CCSER1: variants seen among roughly 807,000 people sequenced by gnomAD.
CCSER1 encodes the protein serine-rich coiled-coil domain-containing protein 1.
CCSER1 carries 41 observed loss-of-function variants against 82.0 expected under a neutral mutation model. The ratio of observed to expected loss-of-function variants is 0.50; its 90% CI spans 0.39 to 0.65. The LOEUF (loss-of-function observed/expected upper bound fraction) is 0.65, where lower values mean the gene tolerates loss of function less well. Among genes scored for constraint, CCSER1 ranks in the 30% least tolerant of loss-of-function variants. The pLI is 0.00. For synonymous variants in CCSER1, 414 were observed against 383.9 expected, an observed-to-expected ratio of 1.08 and a Z score of -0.92; for missense variants, 1,119 against 1,064.2, an observed-to-expected ratio of 1.05 and a Z score of -0.72.
intron 10 of CCSER1, among the ~76,000 whole-genome samples, chr4:91,597,866 C>G (rs891072309): frequency 1.3e-5 from 2 of 152,128 alleles, no homozygotes; most frequent in African/African-American, 4.8e-5. Flanking sequence ...TGGGTGCTAG[C>G]TTGTAATCTT....
At chr4:90,215,324 C>T (rs1041269566) in intron 1 of CCSER1, among the ~76,000 whole-genome samples, 5 of 152,164 alleles carry the variant, frequency 3.3e-5, no homozygotes, top group African/African-American at 1.2e-4. Flanking sequence ...GTGTCTTTCA[C>T]TTGAGTGAGC....
chr4:90,198,866 A>T (rs1358556614), intron 1 of CCSER1, among the ~76,000 whole-genome samples: 3 of 152,170 alleles, frequency 2.0e-5, no homozygotes, highest in Non-Finnish European at 4.4e-5. Flanking sequence ...AAATGTTTTG[A>T]AACTTTTTAG....
chr4:90,771,769 T>C (rs1314506307), intron 7 of CCSER1, among the ~76,000 whole-genome samples: 2 of 152,118 alleles, frequency 1.3e-5, no homozygotes, highest in East Asian at 3.8e-4. Context: ...CCTCAGTGGA[T>C]ACTACTTGTT....
chr4:91,059,542 T>C (rs985785117), intron 9 of CCSER1, among the ~76,000 whole-genome samples: 1 of 151,486 alleles, frequency 6.6e-6, no homozygotes, highest in African/African-American at 2.4e-5. Context: ...TCTTTGTTTT[T>C]AAATCAAACC....
chr4:90,734,244 G>A (rs1348334938), intron 7 of CCSER1, among the ~76,000 whole-genome samples: 3 of 151,764 alleles, frequency 2.0e-5, no homozygotes, highest in African/African-American at 2.4e-5. Flanking sequence ...TCCTGCCTCT[G>A]CCTCTCAAGT....
chr4:91,395,404 G>GT (rs1486546225), intron 10 of CCSER1, among the ~76,000 whole-genome samples: 2 of 152,036 alleles, frequency 1.3e-5, no homozygotes, highest in Non-Finnish European at 2.9e-5. Context: ...AAGAAGGAGT[G>GT]TAAGTTTAAC....
intron 4 of CCSER1, among the ~76,000 whole-genome samples, chr4:90,441,263 G>A (rs77808280): frequency 5.9e-5 from 9 of 152,066 alleles, no homozygotes; most frequent in East Asian, 1.9e-4. Context: ...TATTATTGTC[G>A]TTTTTAGTTC....
chr4:91,444,898 C>T (rs113672400), intron 10 of CCSER1, among the ~76,000 whole-genome samples: 1 of 152,310 alleles, frequency 6.6e-6, no homozygotes, highest in African/African-American at 2.4e-5. Context: ...AATTCAGTGG[C>T]CTTCCTCACA....
chr4:91,148,500 T>A (rs184287454), intron 10 of CCSER1, among the ~76,000 whole-genome samples: 138 of 152,200 alleles, frequency 9.1e-4, no homozygotes, highest in Non-Finnish European at 1.1e-3. Flanking sequence ...TTTTTATTAT[T>A]ATACTTTAAG....
intron 9 of CCSER1, among the ~76,000 whole-genome samples, chr4:91,040,680 A>T (rs1313748867): frequency 6.6e-6 from 1 of 152,196 alleles, no homozygotes; most frequent in Non-Finnish European, 1.5e-5. Context: ...AGAATAAAAT[A>T]ACCCAAGATT....
chr4:90,823,684 A>AGG (rs1760072715), intron 8 of CCSER1, among the ~76,000 whole-genome samples: 1 of 151,990 alleles, frequency 6.6e-6, no homozygotes, highest in Non-Finnish European at 1.5e-5. Context: ...TGGACATTTT[A>AGG]GTTTATAATT....
chr4:90,308,968 A>G lies in CCSER1; in HGVS notation c.684A>G (p.Pro228=), dbSNP rs1734829579. 3 of 1,613,860 alleles carry G rather than the reference A, an allele frequency of 1.9e-6. No individual in the cohort carries two copies. Among genetic ancestry groups the G allele is most frequent in the Non-Finnish European group, 2.5e-6 (3 of 1,179,856 alleles). The change falls in exon 2 of 11, where the codon CCA becomes CCG. Residue 228 remains proline, a synonymous_variant. Coordinates refer to ENST00000509176, the MANE Select transcript of CCSER1 (RefSeq NM_001145065.2). ...AACCTGTATTAGTAAGAGCTTCGCC[A>G]TCCTGTTCTGTGGATGTAACAGAAC... ...EREPVLVRAS[P]SCSVDVTERA...
chr4:90,379,635 G>A (rs989792215), intron 3 of CCSER1, among the ~76,000 whole-genome samples: 1 of 152,136 alleles, frequency 6.6e-6, no homozygotes, highest in Non-Finnish European at 1.5e-5. Flanking sequence ...TGATGATAGA[G>A]TTAAGGTGTT....
chr4:90,839,244 A>G (rs1762250772), intron 8 of CCSER1, among the ~76,000 whole-genome samples: 1 of 152,254 alleles, frequency 6.6e-6, no homozygotes, highest in African/African-American at 2.4e-5. Context: ...AAGGTAAGCA[A>G]TTAGTATCAT....
chr4:91,150,010 G>A (rs1051608681), intron 10 of CCSER1, among the ~76,000 whole-genome samples: 2 of 152,126 alleles, frequency 1.3e-5, no homozygotes, highest in Admixed American at 6.5e-5. Flanking sequence ...TTCCAATTCT[G>A]TGGAGAAAGT....
At chr4:90,166,956 ATAAT>A (rs1179072286) in intron 1 of CCSER1, among the ~76,000 whole-genome samples, 1 of 152,014 alleles carries the variant, frequency 6.6e-6, no homozygotes, top group Non-Finnish European at 1.5e-5. Context: ...AATTCTTGAG[ATAAT>A]TGCTTGTTGG....
intron 10 of CCSER1, among the ~76,000 whole-genome samples, chr4:91,524,509 C>A (rs190351244): frequency 4.0e-4 from 61 of 152,276 alleles, no homozygotes; most frequent in African/African-American, 1.4e-3. Context: ...TTGGAGATTT[C>A]TCCACTGGTT....
At chr4:90,448,756 A>C (rs1297904353) in intron 4 of CCSER1, among the ~76,000 whole-genome samples, 1 of 151,970 alleles carries the variant, frequency 6.6e-6, no homozygotes, top group Non-Finnish European at 1.5e-5. Context: ...ACTGGGCCAC[A>C]AGAGAGAAAG....
At chr4:90,899,721 A>T (rs992546034) in intron 8 of CCSER1, among the ~76,000 whole-genome samples, 1 of 151,772 alleles carries the variant, frequency 6.6e-6, no homozygotes, top group Admixed American at 6.6e-5. Context: ...AGGGTTTTTT[A>T]AAAATTTTGT....
Sources: allele counts gnomAD v4.1 joint callset (sites outside exome capture counted in the v4.1 genomes callset), GRCh38; gene constraint gnomAD v4.1.1; transcripts MANE v1.5; gene names NCBI Gene and HGNC (gene_info 2026-07-23, HGNC 2026-07-21).